Variants in TC2N observed in about 807,000 individuals in gnomAD.
TC2N encodes the protein tandem C2 domains, nuclear.
TC2N carries 51 observed loss-of-function variants against 61.9 expected under a neutral mutation model. That is an observed-to-expected ratio of 0.82 (90% CI 0.66 to 1.04). The LOEUF (loss-of-function observed/expected upper bound fraction) is 1.04. Among genes scored for constraint, TC2N ranks in the 50% least tolerant of loss-of-function variants. The pLI is 0.00. For missense variants in TC2N, 556 were observed against 566.7 expected (o/e 0.98, Z 0.19); for synonymous variants, 204 against 192.6 (o/e 1.06, Z -0.49).
chr14:91,857,135 G>A (rs1489685247), intron 1 of TC2N, among the ~76,000 whole-genome samples: 1 of 152,144 alleles, frequency 6.6e-6, no homozygotes, highest in African/African-American at 2.4e-5. Context: ...AAAGGCAGTT[G>A]GCCCTCATGA....
intron 1 of TC2N, among the ~76,000 whole-genome samples, chr14:91,823,073 T>C (rs1008637932): frequency 2.6e-5 from 4 of 152,074 alleles, no homozygotes; most frequent in African/African-American, 7.2e-5. Flanking sequence ...CATGAAAACA[T>C]GAAAACATCA....
chr14:91,827,827 T>A (rs759062263), intron 1 of TC2N, among the ~76,000 whole-genome samples: 1 of 152,224 alleles, frequency 6.6e-6, no homozygotes, highest in Non-Finnish European at 1.5e-5. Context: ...AGTCCTTTTA[T>A]ATTCTCCTGT....
chr14:91,785,357 A>G lies in TC2N; in HGVS notation c.1167T>C (p.Phe389=), dbSNP rs1389688814. 1 of 1,611,934 alleles carries G rather than the reference A, an allele frequency of 6.2e-7. No homozygotes were observed. Among genetic ancestry groups the G allele is most frequent in the Non-Finnish European group, 8.5e-7 (1 of 1,178,890 alleles). The change falls in exon 11 of 12, where the codon TTT becomes TTC. Residue 389 remains phenylalanine (F), a synonymous_variant. Transcript: ENST00000435962. ...PSSSTPLTLS[F]FVKVGMFSSG... ...AGCTAAACATTCCCACCTTCACGAA[A>G]AAACCTAAAAAATTAGAAATATTGG...
chr14:91,833,184 T>C (rs1480846350), intron 1 of TC2N, among the ~76,000 whole-genome samples: 3 of 152,330 alleles, frequency 2.0e-5, no homozygotes, highest in East Asian at 3.9e-4. Context: ...TTTATTTTAT[T>C]TGTATTCTCT....
At chr14:91,813,874 C>A in intron 1 of TC2N, 49 bp from the exon 2 acceptor site, 1 of 693,398 alleles carries the variant, frequency 1.4e-6, no homozygotes, top group Non-Finnish European at 2.5e-6. Flanking sequence ...TGCTTAATAC[C>A]ATTAGATATT....
intron 8 of TC2N, among the ~76,000 whole-genome samples, chr14:91,792,806 T>C (rs952300665): frequency 6.6e-6 from 1 of 152,180 alleles, no homozygotes; most frequent in African/African-American, 2.4e-5. Context: ...ATTAACACCA[T>C]GCTCACCACA....
At chr14:91,817,147 T>A (rs1887042567) in intron 1 of TC2N, among the ~76,000 whole-genome samples, 1 of 151,986 alleles carries the variant, frequency 6.6e-6, no homozygotes, top group Admixed American at 6.6e-5. Context: ...CAGAACATAG[T>A]ATATCTTTAT....
At chr14:91,861,819 G>A (rs902344893) in intron 1 of TC2N, among the ~76,000 whole-genome samples, 1 of 152,188 alleles carries the variant, frequency 6.6e-6, no homozygotes, top group Non-Finnish European at 1.5e-5. Flanking sequence ...GAGGCAGAAG[G>A]ATCGCTTGAG....
At chr14:91,785,643 G>C (rs1885329668) in intron 10 of TC2N, among the ~76,000 whole-genome samples, 1 of 152,072 alleles carries the variant, frequency 6.6e-6, no homozygotes, top group South Asian at 2.1e-4. Context: ...AACAATCACA[G>C]TAAAAGAGTG....
intron 10 of TC2N, among the ~76,000 whole-genome samples, chr14:91,787,262 T>C (rs146691559): frequency 1.3e-5 from 2 of 152,270 alleles, no homozygotes; most frequent in East Asian, 3.9e-4. Context: ...TCAACCTGTA[T>C]GAACTGATGA....
chr14:91,838,203 C>T (rs1888099155), intron 1 of TC2N, among the ~76,000 whole-genome samples: 1 of 147,720 alleles, frequency 6.8e-6, no homozygotes, highest in African/African-American at 2.6e-5. Flanking sequence ...ATTGCAGTGG[C>T]ACAATCATAG....
At chr14:91,866,881 T>A (rs1482241653) in intron 1 of TC2N, among the ~76,000 whole-genome samples, 1 of 152,220 alleles carries the variant, frequency 6.6e-6, no homozygotes, top group Non-Finnish European at 1.5e-5. Flanking sequence ...TCCAGCAGCC[T>A]CTAGAACTGT....
At chr14:91,833,402 A>G (rs1887872277) in intron 1 of TC2N, among the ~76,000 whole-genome samples, 1 of 152,164 alleles carries the variant, frequency 6.6e-6, no homozygotes, top group Non-Finnish European at 1.5e-5. Context: ...CCTTTCTTCT[A>G]TTCTTTATTT....
chr14:91,799,461 T>C (rs1886108183), intron 5 of TC2N, among the ~76,000 whole-genome samples: 1 of 152,020 alleles, frequency 6.6e-6, no homozygotes, highest in Non-Finnish European at 1.5e-5. Context: ...ACAGTATCAT[T>C]TGGAACTTGG....
intron 8 of TC2N, among the ~76,000 whole-genome samples, chr14:91,795,858 C>A (rs2139836249): frequency 6.6e-6 from 1 of 152,210 alleles, no homozygotes; most frequent in East Asian, 1.9e-4. Flanking sequence ...GGTCTCACAA[C>A]TACTGAGCTA....
chr14:91,785,062 C>G (rs920902801), intron 11 of TC2N, 100 bp downstream of exon 11: 2 of 753,316 alleles, frequency 2.7e-6, no homozygotes, highest in South Asian at 4.6e-5. Context: ...TGCTGAAGAA[C>G]TGTACTCTAT....
intron 3 of TC2N, among the ~76,000 whole-genome samples, chr14:91,808,289 C>A (rs1886611116): frequency 6.6e-6 from 1 of 152,076 alleles, no homozygotes; most frequent in Non-Finnish European, 1.5e-5. Flanking sequence ...GGTTTGTAGC[C>A]TAGGAGAAAT....
intron 1 of TC2N, among the ~76,000 whole-genome samples, chr14:91,863,288 G>A (rs187600057): frequency 1.8e-4 from 28 of 152,334 alleles, no homozygotes; most frequent in Non-Finnish European, 3.7e-4. Context: ...CTTGCCCAGC[G>A]CAGTAAGGCC....
Position 91,782,767 on chromosome 14 carries a change from T to A in TC2N, c.*333A>T. On this transcript the variant is annotated 3_prime_UTR_variant, in exon 12 of 12. Coordinates refer to ENST00000435962, the MANE Select transcript of TC2N (RefSeq NM_001128596.3). Reference sequence around the variant, plus strand: ...CAGGTTTTGAATATCTAAGTAAAGCTTAAAATACAAAAGCGAAAACATAAT... The same window carrying A: ...CAGGTTTTGAATATCTAAGTAAAGCATAAAATACAAAAGCGAAAACATAAT... 5.1e-6 allele frequency: 1 copy of A among 197,778 alleles called. No homozygotes were observed. Among genetic ancestry groups the A allele is most frequent in the Non-Finnish European group, 1.0e-5 (1 of 98,290 alleles). The allele number at this position is 197,778 out of a possible 1,614,324, so 12.3% of individuals were successfully genotyped here. A position where few individuals can be genotyped will look rare whatever the true frequency, so the allele number is the denominator to read the frequency against.
Sources: gnomAD v4.1 joint callset for allele counts (sites outside exome capture counted in the v4.1 genomes callset) on GRCh38, gnomAD v4.1.1 for gene constraint, MANE v1.5 for transcripts, NCBI Gene and HGNC (gene_info 2026-07-23, HGNC 2026-07-21) for gene names.